The following SYN3 variants were observed in gnomAD, a reference collection of about 807,000 sequenced individuals.
The protein encoded by SYN3 is synapsin III.
SYN3 carries 35 observed loss-of-function variants against 65.8 expected under a neutral mutation model. The ratio of observed to expected loss-of-function variants is 0.53; its 90% confidence interval spans 0.41 to 0.70. The LOEUF (loss-of-function observed/expected upper bound fraction) is 0.70, where lower values mean the gene tolerates loss of function less well. Among genes scored for constraint, SYN3 ranks in the 30% least tolerant of loss-of-function variants. The probability of loss-of-function intolerance (pLI) is 0.00; values close to 1 mark genes in which losing one functional copy is unlikely to be tolerated. For missense variants in SYN3, 680 were observed against 749.0 expected (o/e 0.91, Z 1.08); for synonymous variants, 270 against 292.9 (o/e 0.92, Z 0.80).
intron 6 of SYN3, chr22:32,802,274 C>A: frequency 8.0e-7 from 1 of 1,244,692 alleles, no homozygotes; most frequent in Non-Finnish European, 1.1e-6. Context: ...TGTCCTTGGG[C>A]GGGGGCGCTG....
At chr22:32,787,044 CTTTCT>C (rs1195836499) in intron 6 of SYN3, among the ~76,000 whole-genome samples, 6 of 127,968 alleles carry the variant, frequency 4.7e-5, no homozygotes, top group Non-Finnish European at 7.9e-5. Flanking sequence ...CTTTTTTTTC[CTTTCT>C]TTTCTTTTCT....
chr22:32,599,194 T>A (rs889766391), intron 6 of SYN3, among the ~76,000 whole-genome samples: 1 of 152,218 alleles, frequency 6.6e-6, no homozygotes. Context: ...CTCCTGGTGG[T>A]TATTACTTGT....
intron 6 of SYN3, among the ~76,000 whole-genome samples, chr22:32,760,897 A>G (rs1044391093): frequency 5.3e-5 from 8 of 152,218 alleles, no homozygotes; most frequent in African/African-American, 1.7e-4. Context: ...GACACTTCAC[A>G]CTGCCCAGGC....
chr22:33,004,953 G>A (rs2053158553), intron 2 of SYN3, among the ~76,000 whole-genome samples: 1 of 152,092 alleles, frequency 6.6e-6, no homozygotes, highest in African/African-American at 2.4e-5. Flanking sequence ...TGAATCCTGG[G>A]GGTGGTTACC....
intron 7 of SYN3, among the ~76,000 whole-genome samples, chr22:32,569,302 C>T (rs981154043): frequency 1.5e-4 from 9 of 61,204 alleles, no homozygotes; most frequent in African/African-American, 5.1e-4. Flanking sequence ...TATCTATCTA[C>T]ACCTATCTAT....
chr22:32,981,527 G>C (rs2052373277), intron 2 of SYN3, among the ~76,000 whole-genome samples: 1 of 151,934 alleles, frequency 6.6e-6, no homozygotes, highest in Admixed American at 6.6e-5. Context: ...AGAAGTTGCG[G>C]TGAGCCAAGA....
chr22:32,797,827 T>C (rs111692610), intron 6 of SYN3, among the ~76,000 whole-genome samples: 1 of 152,216 alleles, frequency 6.6e-6, no homozygotes, highest in Admixed American at 6.5e-5. Flanking sequence ...TCACTTGTCC[T>C]ACAGGATTCC....
At chr22:32,646,072 G>A (rs1473937541) in intron 6 of SYN3, among the ~76,000 whole-genome samples, 1 of 152,148 alleles carries the variant, frequency 6.6e-6, no homozygotes, top group Admixed American at 6.5e-5. Context: ...TGCTTGAAAC[G>A]TCCAGGTGGA....
Position 32,868,782 on chromosome 22 carries a change from A to C in SYN3, c.621+184T>G, listed in dbSNP as rs147025601. Among the ~76,000 whole-genome samples the C allele has an allele frequency of 6.7e-3, 1,026 of 152,166 alleles. 2 individuals are homozygous for C. Among genetic ancestry groups the C allele is most frequent in the Non-Finnish European group, 9.8e-3 (668 of 68,008 alleles). Reference sequence around the variant, plus strand: ...TATTTACCATAATAATATATAAAATATAAAATTAATATAATTGTTAGGCAA... The same window carrying C: ...TATTTACCATAATAATATATAAAATCTAAAATTAATATAATTGTTAGGCAA... On this transcript the variant is annotated intron_variant, in intron 5 of 13. Transcript: ENST00000358763.
intron 6 of SYN3, among the ~76,000 whole-genome samples, chr22:32,678,879 A>G (rs961100336): frequency 1.3e-5 from 2 of 152,050 alleles, no homozygotes; most frequent in Non-Finnish European, 2.9e-5. Flanking sequence ...TGCCTCATAT[A>G]AGGGGAATCA....
intron 1 of SYN3, among the ~76,000 whole-genome samples, chr22:33,011,858 T>C (rs1385781940): frequency 2.0e-5 from 3 of 152,176 alleles, no homozygotes; most frequent in African/African-American, 7.2e-5. Flanking sequence ...CATAAAGTTG[T>C]TCATAACATA....
At chr22:32,770,487 C>T (rs1027630551) in intron 6 of SYN3, among the ~76,000 whole-genome samples, 13 of 152,164 alleles carry the variant, frequency 8.5e-5, no homozygotes, top group African/African-American at 2.9e-4. Context: ...TCTCTCTGCT[C>T]CTCGTGCTGC....
rs145370290 is a variant in SYN3 at position 32,973,415 on chromosome 22, A to AC, written c.369+7229dup. On this transcript the variant is annotated intron_variant, in intron 3 of 13. Coordinates refer to ENST00000358763, the MANE Select transcript of SYN3 (RefSeq NM_003490.4). ...TTAACTATTTGAATATACTACTTTT[A>AC]CCCCCGCCAAAAAAGAAAAAGATTA... is the stretch of plus-strand genomic sequence containing the variant. Among the ~76,000 whole-genome samples, 441 of 152,104 alleles carry AC rather than the reference A, an allele frequency of 2.9e-3. 4 individuals carry two copies. Among genetic ancestry groups the AC allele is most frequent in the African/African-American group, 0.01 (428 of 41,446 alleles).
At chr22:32,854,903 T>C (rs566586574) in intron 6 of SYN3, among the ~76,000 whole-genome samples, 3 of 152,252 alleles carry the variant, frequency 2.0e-5, no homozygotes, top group African/African-American at 7.2e-5. Context: ...GACCAAGTTA[T>C]GCTATGAAGG....
chr22:32,710,939 C>T (rs754336447), intron 6 of SYN3, among the ~76,000 whole-genome samples: 2 of 152,186 alleles, frequency 1.3e-5, no homozygotes, highest in Non-Finnish European at 2.9e-5. Context: ...ATTTTCACTC[C>T]CACCATCAGC....
intron 5 of SYN3, among the ~76,000 whole-genome samples, chr22:32,867,706 C>T (rs1569289051): frequency 6.6e-6 from 1 of 152,192 alleles, no homozygotes; most frequent in African/African-American, 2.4e-5. Flanking sequence ...CCTCAGACTC[C>T]CGAGTAGCTG....
chr22:32,741,694 G>A (rs1293308401), intron 6 of SYN3, among the ~76,000 whole-genome samples: 2 of 151,990 alleles, frequency 1.3e-5, no homozygotes, highest in East Asian at 1.9e-4. Context: ...ATACCAATCT[G>A]TGCCTTTCCT....
chr22:32,614,191 C>A (rs2059483783), intron 6 of SYN3, among the ~76,000 whole-genome samples: 1 of 152,230 alleles, frequency 6.6e-6, no homozygotes, highest in South Asian at 2.1e-4. Flanking sequence ...TTCTGTCTCA[C>A]TCCATTGCTC....
In SYN3 at chr22:32,507,846, C is replaced by G. The variant is rs563275451; in HGVS notation, c.*5846G>C. 3.9e-5 allele frequency among the ~76,000 whole-genome samples: 6 copies of G among 152,142 alleles called. No homozygotes were observed. The highest frequency in any genetic ancestry group is 1.9e-4 in the East Asian group (1 of 5,164). On this transcript the variant is annotated 3_prime_UTR_variant, in exon 14 of 14. Transcript: ENST00000358763. ...GGCCGTCACCAATCATTCTACACAA[C>G]AAATGTTTCTTCTAACATCCCCACA...
Sources: allele counts gnomAD v4.1 joint callset (sites outside exome capture counted in the v4.1 genomes callset), GRCh38; gene constraint gnomAD v4.1.1; transcripts MANE v1.5; gene names NCBI Gene and HGNC (gene_info 2026-07-23, HGNC 2026-07-21).